The following CCDC3 variants were observed in gnomAD, a reference collection of about 807,000 sequenced individuals.
CCDC3 encodes coiled-coil domain-containing protein 3.
A neutral mutation model predicts 21.4 loss-of-function variants in CCDC3; 24 were observed. The ratio of observed to expected loss-of-function variants is 1.12; its 90% confidence interval spans 0.81 to 1.58. CCDC3 has a LOEUF of 1.58. Ranked by LOEUF, CCDC3 falls within the 40% of genes most tolerant of loss-of-function variation. The probability of loss-of-function intolerance (pLI) is 0.00; values close to 1 mark genes in which losing one functional copy is unlikely to be tolerated. For synonymous variants in CCDC3, 186 were observed against 166.0 expected (o/e 1.12, Z -0.93); for missense variants, 425 against 360.9 (o/e 1.18, Z -1.44).
chr10:12,932,710 TTC>T (rs1216656145), intron 2 of CCDC3, among the ~76,000 whole-genome samples: 1 of 152,210 alleles, frequency 6.6e-6, no homozygotes, highest in Non-Finnish European at 1.5e-5. Context: ...TGAAAAGCAG[TTC>T]TGACAGAGGA....
chr10:12,969,756 T>A (rs1835314471), intron 2 of CCDC3, among the ~76,000 whole-genome samples: 1 of 150,116 alleles, frequency 6.7e-6, no homozygotes, highest in Admixed American at 6.6e-5. Context: ...AAAATATTTT[T>A]AAGATATTCA....
chr10:13,070,129 T>C (rs1460382088), intron 4 of CCDC3, among the ~76,000 whole-genome samples: 2 of 152,210 alleles, frequency 1.3e-5, no homozygotes, highest in Admixed American at 6.5e-5. Context: ...GCTTGAAATA[T>C]TGCTGATCCT....
Position 12,898,159 on chromosome 10 carries a change from T to C in CCDC3, c.*257A>G. On this transcript the variant is annotated 3_prime_UTR_variant, in exon 3 of 3. Transcript: ENST00000378825. ...TGCTCTGCAGGCGAGCATTCAGCAC[T>C]CAGGGATCCCACTGCCTCTGGACTG... The C allele has an allele frequency of 1.9e-6, 1 of 519,232 alleles. No individual in the cohort carries two copies. Among genetic ancestry groups the C allele is most frequent in the Non-Finnish European group, 3.4e-6 (1 of 293,814 alleles). The allele number at this position is 519,232 out of a possible 1,614,324, so 32.2% of individuals were successfully genotyped here.
At chr10:13,066,267 C>T (rs1284498768) in intron 4 of CCDC3, among the ~76,000 whole-genome samples, 1 of 152,148 alleles carries the variant, frequency 6.6e-6, no homozygotes, top group Non-Finnish European at 1.5e-5. Flanking sequence ...AGGTGATTCT[C>T]CCACCTCAGC....
chr10:12,907,638 T>G lies in CCDC3; in HGVS notation c.550-8959A>C, dbSNP rs187601056. 5.8e-3 allele frequency among the ~76,000 whole-genome samples: 875 copies of G among 150,424 alleles called. 3 individuals are homozygous for G. Among genetic ancestry groups the G allele is most frequent in the African/African-American group, 0.02 (836 of 41,430 alleles). ...CAGCCTGGGTGACAGAGCAAGACTC[T>G]GTCTCAAAGAAAAAGAAAAAAGAAG... is the stretch of plus-strand genomic sequence containing the variant. On this transcript the variant is annotated intron_variant, in intron 2 of 2. Coordinates refer to ENST00000378825, the MANE Select transcript of CCDC3 (RefSeq NM_031455.4).
chr10:13,019,427 CA>C (rs1357909140), intron 5 of CCDC3, among the ~76,000 whole-genome samples: 1 of 152,174 alleles, frequency 6.6e-6, no homozygotes, highest in Non-Finnish European at 1.5e-5. Context: ...ACAGGTATCA[CA>C]ATGAGAGCGT....
chr10:12,992,800 G>A (rs1036111308), intron 2 of CCDC3, among the ~76,000 whole-genome samples: 4 of 152,120 alleles, frequency 2.6e-5, no homozygotes, highest in African/African-American at 4.8e-5. Context: ...AGAACTGACT[G>A]AAATAATGAT....
chr10:12,903,828 A>G (rs1438812369), intron 2 of CCDC3, among the ~76,000 whole-genome samples: 2 of 149,888 alleles, frequency 1.3e-5, no homozygotes, highest in Non-Finnish European at 3.0e-5. Context: ...ACTTTTTAAA[A>G]CCATCAAAGC....
chr10:12,901,357 C>A (rs1013641931), intron 2 of CCDC3, among the ~76,000 whole-genome samples: 1 of 152,164 alleles, frequency 6.6e-6, no homozygotes. Context: ...CAATCCTCCA[C>A]CTCACGGGTT....
At chr10:12,911,282 A>C (rs1834267236) in intron 2 of CCDC3, among the ~76,000 whole-genome samples, 1 of 152,190 alleles carries the variant, frequency 6.6e-6, no homozygotes, top group Non-Finnish European at 1.5e-5. Flanking sequence ...CACTAGACTA[A>C]AAAACGGGGA....
At chr10:13,031,269 C>T (rs1409934823) in intron 5 of CCDC3, among the ~76,000 whole-genome samples, 1 of 152,110 alleles carries the variant, frequency 6.6e-6, no homozygotes, top group African/African-American at 2.4e-5. Flanking sequence ...GAAATGAAGG[C>T]AGAAATAAAG....
chr10:13,065,334 T>C (rs1836809450), intron 4 of CCDC3, among the ~76,000 whole-genome samples: 1 of 152,190 alleles, frequency 6.6e-6, no homozygotes, highest in African/African-American at 2.4e-5. Flanking sequence ...AGCAATACCA[T>C]ATAAACACGT....
intron 2 of CCDC3, among the ~76,000 whole-genome samples, chr10:12,993,605 C>G (rs1267908634): frequency 6.6e-6 from 1 of 152,076 alleles, no homozygotes; most frequent in Non-Finnish European, 1.5e-5. Context: ...ACTTGTCCAG[C>G]AAGAGAGAAA....
intron 5 of CCDC3, among the ~76,000 whole-genome samples, chr10:13,029,071 G>A (rs375357886): frequency 6.6e-6 from 1 of 152,228 alleles, no homozygotes; most frequent in Non-Finnish European, 1.5e-5. Flanking sequence ...GTAACTGGGT[G>A]CAGGAGAGAG....
At chr10:12,991,729 T>C (rs924620716) in intron 2 of CCDC3, among the ~76,000 whole-genome samples, 2 of 152,208 alleles carry the variant, frequency 1.3e-5, no homozygotes, top group Non-Finnish European at 1.5e-5. Flanking sequence ...TGATTCCCAC[T>C]GATTTTAACT....
intron 2 of CCDC3, among the ~76,000 whole-genome samples, chr10:12,916,177 A>T (rs543181991): frequency 5.3e-5 from 8 of 152,212 alleles, no homozygotes; most frequent in East Asian, 3.9e-4. Flanking sequence ...TTCACGCCTG[A>T]AGTCCCAGCA....
intron 3 of CCDC3, among the ~76,000 whole-genome samples, chr10:13,075,776 G>A (rs1836956766): frequency 1.3e-5 from 2 of 152,118 alleles, no homozygotes; most frequent in East Asian, 3.8e-4. Flanking sequence ...GCACGGGCAT[G>A]GTGGCTCCAC....
At chr10:12,957,019 T>C (rs1835100100) in intron 2 of CCDC3, among the ~76,000 whole-genome samples, 1 of 152,244 alleles carries the variant, frequency 6.6e-6, no homozygotes, top group South Asian at 2.1e-4. Context: ...TGTATGTACC[T>C]TTTGCAATTC....
chr10:12,915,289 G>A (rs7902481), intron 2 of CCDC3, among the ~76,000 whole-genome samples: 20,434 of 152,196 alleles, frequency 0.13, 1,708 homozygotes, highest in East Asian at 0.28. Flanking sequence ...CACCTGAGAA[G>A]AATGTGCATT....
Sources: gnomAD v4.1 joint callset for allele counts (sites outside exome capture counted in the v4.1 genomes callset) on GRCh38, gnomAD v4.1.1 for gene constraint, MANE v1.5 for transcripts, NCBI Gene and HGNC (gene_info 2026-07-23, HGNC 2026-07-21) for gene names.